USP46: variants seen among roughly 807,000 people sequenced by gnomAD.
The protein encoded by USP46 is ubiquitin specific peptidase 46.
A neutral mutation model predicts 44.4 loss-of-function variants in USP46; 12 were observed. That is an observed-to-expected ratio of 0.27 (90% CI 0.17 to 0.44). USP46 has a LOEUF of 0.44. Among genes scored for constraint, USP46 ranks in the 20% least tolerant of loss-of-function variants. The pLI, the probability that USP46 is intolerant of heterozygous loss-of-function variation, is 1.00. For synonymous variants in USP46, 155 were observed against 161.5 expected (o/e 0.96, Z 0.31); for missense variants, 248 against 444.8 (o/e 0.56, Z 3.98).
At chr4:52,633,127 C>T (rs963940842) in intron 1 of USP46, among the ~76,000 whole-genome samples, 2 of 152,186 alleles carry the variant, frequency 1.3e-5, no homozygotes, top group Admixed American at 6.5e-5. Flanking sequence ...ATGACCAAAA[C>T]GTAACTGAGA....
intron 1 of USP46, among the ~76,000 whole-genome samples, chr4:52,649,450 C>T (rs191672045): frequency 3.9e-4 from 60 of 152,312 alleles, no homozygotes; most frequent in Non-Finnish European, 3.1e-4. Flanking sequence ...CAAACTCCTC[C>T]ACTTTACAAC....
At chr4:52,610,667 TA>T (rs758250555) in intron 4 of USP46, 50 bp from the exon 5 acceptor site, 15 of 1,569,216 alleles carry the variant, frequency 9.6e-6, no homozygotes, top group Non-Finnish European at 1.3e-5. Context: ...ATGTAGTAGA[TA>T]AAACTTTGAA....
At chr4:52,646,205 C>T (rs1718545287) in intron 1 of USP46, among the ~76,000 whole-genome samples, 1 of 152,196 alleles carries the variant, frequency 6.6e-6, no homozygotes, top group Non-Finnish European at 1.5e-5. Context: ...ATCACAACAC[C>T]TGCATTCCCA....
chr4:52,658,831 C>T (rs1719059101), intron 1 of USP46, among the ~76,000 whole-genome samples: 2 of 152,142 alleles, frequency 1.3e-5, no homozygotes, highest in African/African-American at 4.8e-5. Flanking sequence ...TCCCTCAAGC[C>T]GCTTCCACCG....
intron 2 of USP46, among the ~76,000 whole-genome samples, chr4:52,630,627 A>G (rs1347034951): frequency 6.6e-6 from 1 of 151,322 alleles, no homozygotes; most frequent in Admixed American, 6.6e-5. Context: ...AATCCCAGCT[A>G]CTCGGGAGGC....
chr4:52,596,269 A>C lies in USP46; in HGVS notation c.*1371T>G, dbSNP rs1415330079. ...TGCATTAGGTAACAAAAATATGTTCACAGTTTATTATAGTGTATGGAAGTT... is the reference window on the plus strand; with the variant it reads ...TGCATTAGGTAACAAAAATATGTTCCCAGTTTATTATAGTGTATGGAAGTT... On this transcript the variant is annotated 3_prime_UTR_variant, in exon 9 of 9. Coordinates refer to ENST00000441222, the MANE Select transcript of USP46 (RefSeq NM_022832.4). The C allele has an allele frequency of 6.5e-6, 1 of 152,680 alleles. No individual in the cohort carries two copies. Among genetic ancestry groups the C allele is most frequent in the African/African-American group, 2.4e-5 (1 of 41,476 alleles). The allele number at this position is 152,680 out of a possible 1,614,324, so 9.5% of individuals were successfully genotyped here.
intron 4 of USP46, among the ~76,000 whole-genome samples, chr4:52,614,188 T>C (rs543796302): frequency 2.7e-4 from 41 of 152,292 alleles, no homozygotes; most frequent in African/African-American, 8.9e-4. Flanking sequence ...AGGAATCTTT[T>C]AGCTAATACT....
At chr4:52,604,706 G>T in intron 5 of USP46, 122 bp from the exon 6 acceptor site, 1 of 659,978 alleles carries the variant, frequency 1.5e-6, no homozygotes. Context: ...GAAGTAATCA[G>T]AAAAAAATCC....
intron 6 of USP46, among the ~76,000 whole-genome samples, chr4:52,603,143 G>C (rs540761892): frequency 3.9e-5 from 6 of 152,274 alleles, no homozygotes; most frequent in African/African-American, 1.4e-4. Flanking sequence ...AGAAGTATGG[G>C]GAACCCCATG....
intron 5 of USP46, among the ~76,000 whole-genome samples, chr4:52,609,905 T>C (rs1716869432): frequency 4.3e-5 from 2 of 47,032 alleles, no homozygotes; most frequent in African/African-American, 1.1e-4. Context: ...TTTCTTTTTT[T>C]TTTTTTTTTT....
chr4:52,621,896 A>G (rs1225715848), intron 4 of USP46, among the ~76,000 whole-genome samples: 1 of 152,244 alleles, frequency 6.6e-6, no homozygotes, highest in African/African-American at 2.4e-5. Context: ...ACTGCAGTAT[A>G]TTCCTACAAT....
In USP46 at chr4:52,621,867, T is replaced by C. The variant is rs768238194; in HGVS notation, c.561+4151A>G. On this transcript the variant is annotated intron_variant, in intron 4 of 8. Transcript: ENST00000441222. ...TACAAGCCAAAAACTAGACACACCA[T>C]AGAAGAACAGAAAAACAAACTGCAG... 2.0e-5 allele frequency among the ~76,000 whole-genome samples: 3 copies of C among 152,070 alleles called. No homozygotes were observed. The East Asian group carries it at 5.8e-4, about 29-fold the overall frequency.
chr4:52,630,781 A>G (rs1717794202), intron 2 of USP46, among the ~76,000 whole-genome samples: 1 of 151,982 alleles, frequency 6.6e-6, no homozygotes, highest in Non-Finnish European at 1.5e-5. Context: ...GGCTACAAAG[A>G]CTAATGAAAT....
intron 4 of USP46, among the ~76,000 whole-genome samples, chr4:52,622,367 T>A (rs1009557308): frequency 3.3e-5 from 5 of 152,190 alleles, no homozygotes; most frequent in African/African-American, 1.2e-4. Flanking sequence ...ATTTAAAAAA[T>A]AATTTCAAGA....
At chr4:52,649,835 C>A (rs1233621491) in intron 1 of USP46, among the ~76,000 whole-genome samples, 4 of 152,220 alleles carry the variant, frequency 2.6e-5, no homozygotes, top group African/African-American at 9.6e-5. Flanking sequence ...AGTTGTCAGT[C>A]TAACATGGTG....
intron 1 of USP46, among the ~76,000 whole-genome samples, chr4:52,640,508 AT>A (rs1450767159): frequency 1.3e-5 from 2 of 152,110 alleles, no homozygotes; most frequent in Non-Finnish European, 2.9e-5. Flanking sequence ...AGCAATTATT[AT>A]TTTTTATTAA....
Position 52,597,891 on chromosome 4 carries a change from CCA to C in USP46, c.1000-152_1000-151del, listed in dbSNP as rs1456474689. 6 of 641,674 alleles carry C rather than the reference CCA, an allele frequency of 9.4e-6. No homozygotes were observed. The African/African-American group carries it at 1.1e-4, about 12-fold the overall frequency. 39.7% of individuals were successfully genotyped at this position (641,674 alleles called of 1,614,324 possible). Reference sequence around the variant, plus strand: ...AACTTTCAATAGCAAATGGAGAATTCCACAGACTTGGCTAAAGGACATCATCA... The same window carrying C: ...AACTTTCAATAGCAAATGGAGAATTCCAGACTTGGCTAAAGGACATCATCA... On this transcript the variant is annotated intron_variant, in intron 8 of 8. Transcript: ENST00000441222.
chr4:52,615,280 G>A (rs184478020), intron 4 of USP46, among the ~76,000 whole-genome samples: 17 of 152,030 alleles, frequency 1.1e-4, no homozygotes, highest in East Asian at 9.7e-4. Flanking sequence ...TTTCTATGCC[G>A]TCCGCAAGAG....
rs1442845054 is a variant in USP46, at chr4:52,593,610, T to C, written c.*4030A>G. The C allele has an allele frequency of 6.6e-6, 1 of 152,260 alleles. No individual in the cohort carries two copies. The highest frequency in any genetic ancestry group is 1.5e-5 in the Non-Finnish European group (1 of 68,044). 9.4% of individuals were successfully genotyped at this position (152,260 alleles called of 1,614,324 possible). A position where few individuals can be genotyped will look rare whatever the true frequency, so the allele number is the denominator to read the frequency against. On this transcript the variant is annotated 3_prime_UTR_variant, in exon 9 of 9. Transcript: ENST00000441222. ...AGGCCACATGGCATGGACCTGTGCC[T>C]GCCCTCCTTCTGGGGCAGGGAGTGG... is the stretch of plus-strand genomic sequence containing the variant.
Sources: gnomAD v4.1 joint callset for allele counts (sites outside exome capture counted in the v4.1 genomes callset) on GRCh38, gnomAD v4.1.1 for gene constraint, MANE v1.5 for transcripts, NCBI Gene and HGNC (gene_info 2026-07-23, HGNC 2026-07-21) for gene names.